Variants in NELL1 observed in about 807,000 individuals in gnomAD.
NELL1 encodes protein kinase C-binding protein NELL1.
In NELL1, 76 loss-of-function variants were observed where a neutral mutation model predicts 107.4. The observed-to-expected ratio is 0.71, with a 90% CI of 0.59 to 0.86. NELL1 has a LOEUF of 0.86. Among genes scored for constraint, NELL1 ranks in the 40% least tolerant of loss-of-function variants. The probability of loss-of-function intolerance (pLI) is 0.00; values close to 1 mark genes in which losing one functional copy is unlikely to be tolerated. For synonymous variants in NELL1, 353 were observed against 341.2 expected (o/e 1.03, Z -0.38); for missense variants, 1,024 against 1,005.5 (o/e 1.02, Z -0.25).
At chr11:21,229,235 T>A (rs1219201372) in intron 13 of NELL1, 97 bp from the exon 14 acceptor site, 2 of 1,409,222 alleles carry the variant, frequency 1.4e-6, no homozygotes, top group African/African-American at 2.8e-5. Flanking sequence ...TGGTAGTCAC[T>A]GTCATTCTTA....
intron 12 of NELL1, among the ~76,000 whole-genome samples, chr11:20,966,833 C>T (rs1045417854): frequency 6.6e-6 from 1 of 151,966 alleles, no homozygotes; most frequent in African/African-American, 2.4e-5. Flanking sequence ...ACCTCCCCAC[C>T]CCCTGCCGCC....
intron 2 of NELL1, among the ~76,000 whole-genome samples, chr11:20,735,001 G>C (rs565412586): frequency 1.3e-5 from 2 of 152,136 alleles, no homozygotes; most frequent in African/African-American, 4.8e-5. Context: ...CTGAAATTAA[G>C]TACTGGGGAG....
intron 15 of NELL1, among the ~76,000 whole-genome samples, chr11:21,509,768 A>G (rs898815216): frequency 2.6e-5 from 4 of 152,302 alleles, no homozygotes; most frequent in Middle Eastern, 3.4e-3. Flanking sequence ...TTATTTATCT[A>G]TTTAACTAGA....
chr11:21,099,489 T>C (rs779969407), intron 12 of NELL1, among the ~76,000 whole-genome samples: 19 of 152,054 alleles, frequency 1.2e-4, no homozygotes, highest in African/African-American at 2.4e-4. Flanking sequence ...CAACACCAAC[T>C]TGAGGAGACG....
intron 4 of NELL1, among the ~76,000 whole-genome samples, chr11:20,861,772 C>T (rs1048934321): frequency 2.2e-4 from 33 of 152,144 alleles, no homozygotes; most frequent in African/African-American, 7.2e-4. Context: ...TTAGTGGTTC[C>T]GAGCATGAGC....
chr11:20,957,408 G>A (rs1386144750), intron 11 of NELL1, among the ~76,000 whole-genome samples: 6 of 152,178 alleles, frequency 3.9e-5, no homozygotes, highest in African/African-American at 1.4e-4. Context: ...ACCCCTGACA[G>A]AAGGAAACAC....
intron 2 of NELL1, among the ~76,000 whole-genome samples, chr11:20,743,089 A>G (rs951165): frequency 0.59 from 89,531 of 151,894 alleles, 27,473 homozygotes; most frequent in Middle Eastern, 0.76. Flanking sequence ...ACGGGAGCTC[A>G]CACCTGTAAT....
At chr11:21,337,971 G>C (rs1419109148) in intron 14 of NELL1, among the ~76,000 whole-genome samples, 1 of 150,906 alleles carries the variant, frequency 6.6e-6, no homozygotes, top group Non-Finnish European at 1.5e-5. Flanking sequence ...TAGAATACTT[G>C]CATGACCCTA....
chr11:21,551,579 G>A (rs10833566), intron 16 of NELL1, among the ~76,000 whole-genome samples: 133,994 of 151,252 alleles, frequency 0.89, 59,732 homozygotes, highest in Non-Finnish European at 0.94. Flanking sequence ...AATCAAAACC[G>A]CAATGAGATA....
chr11:20,812,878 GGC>G (rs1564919282), intron 3 of NELL1, among the ~76,000 whole-genome samples: 2 of 150,520 alleles, frequency 1.3e-5, no homozygotes, highest in African/African-American at 4.9e-5. Context: ...CGAGGTGGCG[GGC>G]GCCTGTAGTC....
At chr11:21,147,892 T>G (rs1856022082) in intron 13 of NELL1, among the ~76,000 whole-genome samples, 1 of 151,620 alleles carries the variant, frequency 6.6e-6, no homozygotes, top group Non-Finnish European at 1.5e-5. Flanking sequence ...TTTTTATTTT[T>G]TAGATATCTT....
intron 13 of NELL1, among the ~76,000 whole-genome samples, chr11:21,205,956 T>G (rs1260570095): frequency 6.6e-6 from 1 of 152,130 alleles, no homozygotes; most frequent in Non-Finnish European, 1.5e-5. Context: ...CTCTATCTTT[T>G]AGGGTATCTT....
intron 14 of NELL1, among the ~76,000 whole-genome samples, chr11:21,310,435 A>T (rs1319575134): frequency 6.6e-6 from 1 of 152,090 alleles, no homozygotes; most frequent in African/African-American, 2.4e-5. Flanking sequence ...ATGTAAAGCA[A>T]AAACAAACAT....
intron 12 of NELL1, among the ~76,000 whole-genome samples, chr11:21,110,030 C>T (rs1475796726): frequency 1.3e-5 from 2 of 152,056 alleles, no homozygotes; most frequent in African/African-American, 4.8e-5. Context: ...TCAAGAGAAT[C>T]AGCTGGAGTA....
intron 13 of NELL1, among the ~76,000 whole-genome samples, chr11:21,163,870 T>C (rs540474250): frequency 1.4e-4 from 21 of 151,664 alleles, no homozygotes; most frequent in African/African-American, 4.4e-4. Context: ...TACCATCACA[T>C]TGGGGGTTAA....
chr11:20,766,898 A>G (rs1318188979), intron 2 of NELL1, among the ~76,000 whole-genome samples: 1 of 152,038 alleles, frequency 6.6e-6, no homozygotes, highest in East Asian at 1.9e-4. Context: ...GTGCACCACC[A>G]CGCCCAGTTA....
chr11:21,281,232 A>C (rs1223114571), intron 14 of NELL1, among the ~76,000 whole-genome samples: 2 of 151,722 alleles, frequency 1.3e-5, no homozygotes, highest in Non-Finnish European at 2.9e-5. Context: ...TGCTGCCATG[A>C]AGGTAAGGAC....
rs1292354145 is a variant in NELL1 at position 21,309,283 on chromosome 11, TATA to T, written c.1550-61569_1550-61567del. On this transcript the variant is annotated intron_variant, in intron 14 of 19. Transcript: ENST00000357134. ...ATGTATATATATATATATATATGTA[TATA>T]TATATATATATATGTATATATATAT... Among the ~76,000 whole-genome samples, 25 of 27,178 alleles carry T rather than the reference TATA, an allele frequency of 9.2e-4. No individual in the cohort carries two copies. In the South Asian group the frequency reaches 0.023, roughly 25 times the overall value. 17.8% of individuals were successfully genotyped at this position (27,178 alleles called of 152,430 possible). A position where few individuals can be genotyped will look rare whatever the true frequency, so the allele number is the denominator to read the frequency against.
At chr11:21,338,595 T>C (rs979789564) in intron 14 of NELL1, among the ~76,000 whole-genome samples, 2 of 152,190 alleles carry the variant, frequency 1.3e-5, no homozygotes, top group African/African-American at 4.8e-5. Context: ...TACCCCAGAC[T>C]TATAGGAACA....
Sources: gnomAD v4.1 joint callset for allele counts (sites outside exome capture counted in the v4.1 genomes callset) on GRCh38, gnomAD v4.1.1 for gene constraint, MANE v1.5 for transcripts, NCBI Gene and HGNC (gene_info 2026-07-23, HGNC 2026-07-21) for gene names.